Variants in CD44 observed in about 807,000 individuals in gnomAD.
The protein encoded by CD44 is CD44 antigen.
Under a neutral mutation model 88.8 loss-of-function variants are expected in CD44, and 49 were observed. That is an observed-to-expected ratio of 0.55 (90% CI 0.44 to 0.70). The LOEUF is 0.70. Ranked by LOEUF, CD44 falls within the 30% of genes least tolerant of loss-of-function variation. The pLI, the probability that CD44 is intolerant of heterozygous loss-of-function variation, is 0.00. For synonymous variants in CD44, 325 were observed against 312.3 expected (o/e 1.04, Z -0.43); for missense variants, 883 against 913.8 (o/e 0.97, Z 0.43).
chr11:35,165,579 A>T (rs925588552), intron 1 of CD44, among the ~76,000 whole-genome samples: 1 of 152,178 alleles, frequency 6.6e-6, no homozygotes, highest in Non-Finnish European at 1.5e-5. Flanking sequence ...TGGAGCCCCA[A>T]TGTGTCTTAA....
chr11:35,176,940 C>T, intron 2 of CD44, 200 bp downstream of exon 2: 1 of 546,146 alleles, frequency 1.8e-6, no homozygotes, highest in Non-Finnish European at 3.2e-6. Context: ...CTTTGTGAAT[C>T]ATAGAGCGGG....
chr11:35,173,362 A>G (rs1944118650), intron 1 of CD44, among the ~76,000 whole-genome samples: 1 of 152,238 alleles, frequency 6.6e-6, no homozygotes, highest in Non-Finnish European at 1.5e-5. Flanking sequence ...AAGACTGGCC[A>G]ACTGAGGCCA....
intron 1 of CD44, among the ~76,000 whole-genome samples, chr11:35,149,495 T>G (rs1156680004): frequency 6.6e-6 from 1 of 152,238 alleles, no homozygotes; most frequent in Non-Finnish European, 1.5e-5. Flanking sequence ...TTCTAAAGCT[T>G]AATGTTTAGT....
chr11:35,195,604 T>C (rs1356866154), intron 5 of CD44, among the ~76,000 whole-genome samples: 1 of 152,070 alleles, frequency 6.6e-6, no homozygotes, highest in Non-Finnish European at 1.5e-5. Context: ...ACTATTTTGT[T>C]TGGGGATGAT....
chr11:35,154,021 T>A (rs1211903014), intron 1 of CD44, among the ~76,000 whole-genome samples: 1 of 152,194 alleles, frequency 6.6e-6, no homozygotes, highest in Non-Finnish European at 1.5e-5. Context: ...CATGAGAACC[T>A]CTAAGCTGAC....
At position 35,209,987 on chromosome 11, in the gene CD44, C is replaced by T; in HGVS notation, c.1539C>T (p.Phe513=). The T allele has an allele frequency of 1.3e-6, 2 of 1,577,780 alleles. No individual in the cohort carries two copies. The highest frequency in any genetic ancestry group is 1.2e-5 in the South Asian group (1 of 85,020). The change falls in exon 13 of 18, where the codon TTC becomes TTT. Residue 513 remains phenylalanine (F), a synonymous_variant. Transcript: ENST00000428726. ...CAGAGCAGAGTAATTCTCAGAGCTT[C>T]TCTACATCACATGAAGGCTTGGAAG... ...MTTQQSNSQS[F]STSHEGLEED... is the part of the protein sequence containing the mutation.
intron 17 of CD44, among the ~76,000 whole-genome samples, 199 bp from the exon 18 acceptor site, chr11:35,228,930 G>T (rs1371900573): frequency 6.6e-6 from 1 of 152,224 alleles, no homozygotes; most frequent in African/African-American, 2.4e-5. Context: ...ACTTTGAGGA[G>T]TGCTGGTTGT....
chr11:35,180,892 G>A (rs1324022705), intron 3 of CD44, among the ~76,000 whole-genome samples: 4 of 152,174 alleles, frequency 2.6e-5, no homozygotes, highest in African/African-American at 9.7e-5. Flanking sequence ...AAAAAAGAAA[G>A]CAAAATACGA....
intron 10 of CD44, among the ~76,000 whole-genome samples, chr11:35,205,153 A>G (rs1300730650): frequency 1.3e-5 from 2 of 152,212 alleles, no homozygotes; most frequent in Non-Finnish European, 2.9e-5. Flanking sequence ...GTTTTTGAGT[A>G]TAAAAAAGGT....
chr11:35,161,717 C>T lies in CD44; in HGVS notation c.68-14858C>T, dbSNP rs148636847. 6.1e-3 allele frequency among the ~76,000 whole-genome samples: 931 copies of T among 152,298 alleles called. 13 individuals are homozygous for T. Among genetic ancestry groups the T allele is most frequent in the African/African-American group, 0.022 (905 of 41,554 alleles). ...AAGCCAGGTCATTCAGTTGTTGTAGCCTTTGCCTTCCAAGTTTCCCTTGTC... is the reference window on the plus strand; with the variant it reads ...AAGCCAGGTCATTCAGTTGTTGTAGTCTTTGCCTTCCAAGTTTCCCTTGTC... On this transcript the variant is annotated intron_variant, in intron 1 of 17. Coordinates refer to ENST00000428726, the MANE Select transcript of CD44 (RefSeq NM_000610.4).
intron 4 of CD44, among the ~76,000 whole-genome samples, chr11:35,189,202 T>G (rs1025946867): frequency 6.6e-6 from 1 of 152,306 alleles, no homozygotes; most frequent in Non-Finnish European, 1.5e-5. Context: ...AATTTCCAGG[T>G]TGAATTTCAC....
intron 3 of CD44, among the ~76,000 whole-genome samples, chr11:35,186,455 AC>A (rs1484839270): frequency 6.6e-6 from 1 of 152,196 alleles, no homozygotes; most frequent in Non-Finnish European, 1.5e-5. Context: ...TTCCTGCATT[AC>A]TTTTGTAATC....
At chr11:35,222,992 C>T (rs1949426787) in intron 17 of CD44, 1 of 985,210 alleles carries the variant, frequency 1.0e-6, no homozygotes, top group Admixed American at 6.2e-5. Context: ...CCCATACAGT[C>T]TCTAATTATC....
chr11:35,176,872 T>A (rs1944516564), intron 2 of CD44, 132 bp downstream of exon 2: 1 of 832,068 alleles, frequency 1.2e-6, no homozygotes, highest in African/African-American at 1.7e-5. Flanking sequence ...CGTATTAATT[T>A]GGCCAAGTCA....
chr11:35,155,212 A>T (rs1941698084), intron 1 of CD44, among the ~76,000 whole-genome samples: 1 of 152,170 alleles, frequency 6.6e-6, no homozygotes, highest in Non-Finnish European at 1.5e-5. Context: ...GACTTAGACC[A>T]ATCATGATCC....
chr11:35,146,051 G>T (rs917480672), intron 1 of CD44, among the ~76,000 whole-genome samples: 1 of 152,028 alleles, frequency 6.6e-6, no homozygotes, highest in Non-Finnish European at 1.5e-5. Context: ...ACAGAATGAG[G>T]GGGTGGGTCT....
At chr11:35,195,778 G>T (rs924768425) in intron 5 of CD44, among the ~76,000 whole-genome samples, 11 of 152,000 alleles carry the variant, frequency 7.2e-5, no homozygotes, top group African/African-American at 2.4e-4. Flanking sequence ...GATCATTGGG[G>T]TCACTTCATC....
intron 1 of CD44, among the ~76,000 whole-genome samples, chr11:35,159,566 A>G (rs552303635): frequency 1.5e-4 from 23 of 152,038 alleles, no homozygotes; most frequent in South Asian, 6.2e-4. Context: ...AGGAGAAGGG[A>G]AAAAAAACGG....
rs367551052 is a variant in CD44 at position 35,226,880 on chromosome 11, CTTTTTTTTTTTT to C, written c.2025-2238_2025-2227del. The stretch of plus-strand genomic sequence containing the variant: ...AGCCCCTTTTCTTCTTTCTTTTTTC[CTTTTTTTTTTTT>C]TTTTTTTTTTGAGACGGAGTCTTAC... On this transcript the variant is annotated intron_variant, in intron 17 of 17. Transcript: ENST00000428726. Among the ~76,000 whole-genome samples, 61 of 106,192 alleles carry C rather than the reference CTTTTTTTTTTTT, an allele frequency of 5.7e-4. No homozygotes were observed. In the South Asian group the frequency reaches 0.014, roughly 25 times the overall value. 69.7% of individuals were successfully genotyped at this position (106,192 alleles called of 152,430 possible).
Sources: gnomAD v4.1 joint callset for allele counts (sites outside exome capture counted in the v4.1 genomes callset) on GRCh38, gnomAD v4.1.1 for gene constraint, MANE v1.5 for transcripts, NCBI Gene and HGNC (gene_info 2026-07-23, HGNC 2026-07-21) for gene names.